The following PIK3CD variants were observed in gnomAD, a reference collection of about 807,000 sequenced individuals.
PIK3CD encodes the protein phosphatidylinositol-4,5-bisphosphate 3-kinase catalytic subunit delta, also known as phosphatidylinositol 4,5-bisphosphate 3-kinase catalytic subunit delta isoform.
Under a neutral mutation model 122.9 loss-of-function variants are expected in PIK3CD, and 20 were observed. The ratio of observed to expected loss-of-function variants is 0.16; its 90% CI spans 0.11 to 0.24. The LOEUF (loss-of-function observed/expected upper bound fraction) is 0.24, where lower values mean the gene tolerates loss of function less well. Ranked by LOEUF, PIK3CD falls within the 10% of genes least tolerant of loss-of-function variation. The pLI is 1.00. For synonymous variants in PIK3CD, 596 were observed against 593.4 expected (o/e 1.00, Z -0.06); for missense variants, 787 against 1,406.3 (o/e 0.56, Z 7.04).
At chr1:9,670,519 G>A (rs1384425463) in intron 1 of PIK3CD, among the ~76,000 whole-genome samples, 1 of 152,252 alleles carries the variant, frequency 6.6e-6, no homozygotes, top group South Asian at 2.1e-4. Flanking sequence ...TTCATATCTT[G>A]GCTTTGACAC....
In PIK3CD at chr1:9,726,344, TA is replaced by T. The variant is rs542264110; in HGVS notation, c.2998-559del. Among the ~76,000 whole-genome samples, 379 of 151,256 alleles carry T rather than the reference TA, an allele frequency of 2.5e-3. 2 individuals are homozygous for T. Among genetic ancestry groups the T allele is most frequent in the Middle Eastern group, 6.8e-3 (2 of 292 alleles). On this transcript the variant is annotated intron_variant, in intron 23 of 23. Transcript: ENST00000377346. ...TAACACGGTGAAACCCCGTCTCTAC[TA>T]AAAAATACAAAAAATTAGCCAGGTG...
At chr1:9,655,351 G>A (rs57834427) in intron 1 of PIK3CD, among the ~76,000 whole-genome samples, 47,166 of 151,930 alleles carry the variant, frequency 0.31, 8,779 homozygotes, top group East Asian at 0.68. Context: ...CTAAGACTGA[G>A]TTGTCTTTAG....
chr1:9,726,784 C>G (rs747754784), intron 23 of PIK3CD, 125 bp from the exon 24 acceptor site: 9 of 1,237,522 alleles, frequency 7.3e-6, no homozygotes, highest in Middle Eastern at 2.0e-4. Context: ...GAGAGCTTTT[C>G]CTGAGATGCT....
Position 9,726,979 on chromosome 1 carries a change from T to G in PIK3CD, c.3068T>G (p.Leu1023Arg). 1 of 1,613,952 alleles carries G rather than the reference T, an allele frequency of 6.2e-7. No individual in the cohort carries two copies. Among genetic ancestry groups the G allele is most frequent in the Non-Finnish European group, 8.5e-7 (1 of 1,179,972 alleles). Residue 1023 changes from leucine (L) to arginine (R), a missense_variant, in exon 24 of 24, where the codon CTC becomes CGC. Leu to Arg is a moderately radical substitution (Grantham distance 102). This residue lies in a region of PIK3CD where 60 missense variants were observed against 129.5 expected (regional missense o/e 0.46). Transcript: ENST00000377346. ...TTCCGAGTGAAGTTTAACGAAGCCC[T>G]CCGTGAGAGCTGGAAAACCAAAGTG... Reference protein sequence around the residue: ...KHFRVKFNEALRESWKTKVNW... With the variant: ...KHFRVKFNEARRESWKTKVNW...
upstream of PIK3CD, among the ~76,000 whole-genome samples, chr1:9,649,120 C>CAAAA (rs369321213): frequency 3.2e-3 from 484 of 151,422 alleles, 4 homozygotes; most frequent in East Asian, 0.02. Context: ...AACAAACAAA[C>CAAAA]AAAAAAAGCA....
chr1:9,642,267 C>A, the PIK3CD span, among the ~76,000 whole-genome samples: 1 of 151,898 alleles, frequency 6.6e-6, no homozygotes, highest in Admixed American at 6.6e-5. Flanking sequence ...CATGCACCAC[C>A]ATGCCCAGCT....
chr1:9,714,753 C>T (rs1159739103), intron 3 of PIK3CD, among the ~76,000 whole-genome samples: 1 of 152,158 alleles, frequency 6.6e-6, no homozygotes, highest in Non-Finnish European at 1.5e-5. Flanking sequence ...GTGGTGAACA[C>T]CTTTCAACTG....
chr1:9,721,370 C>G, intron 14 of PIK3CD, 74 bp from the exon 15 acceptor site: 1 of 1,608,732 alleles, frequency 6.2e-7, no homozygotes, highest in Non-Finnish European at 8.5e-7. Context: ...CCTGGCCTCC[C>G]TCTGGCTGCC....
the PIK3CD span, among the ~76,000 whole-genome samples, chr1:9,641,815 C>T: frequency 6.6e-6 from 1 of 152,210 alleles, no homozygotes; most frequent in Non-Finnish European, 1.5e-5. Context: ...CCTCTCAGCC[C>T]TCCTTGGAAC....
In PIK3CD at chr1:9,711,251, A is replaced by G. The variant is rs1647042224; in HGVS notation, c.141+655A>G. Among the ~76,000 whole-genome samples the G allele has an allele frequency of 2.0e-5, 3 of 151,114 alleles. No individual in the cohort carries two copies. The South Asian group carries it at 6.3e-4, about 32-fold the overall frequency. ...TGGGACTATAGGCGTGCACCACCAC[A>G]CCTGGCTAATTTTTGTGTTTTTTAG... On this transcript the variant is annotated intron_variant, in intron 3 of 23. Transcript: ENST00000377346.
At chr1:9,659,074 A>C (rs1006546202) in intron 1 of PIK3CD, among the ~76,000 whole-genome samples, 4 of 152,116 alleles carry the variant, frequency 2.6e-5, no homozygotes, top group African/African-American at 9.7e-5. Context: ...CCTTTCCATT[A>C]ACTTCTTTTG....
chr1:9,724,183 G>A lies in PIK3CD; in HGVS notation c.2718+91G>A. 6.2e-7 allele frequency: 1 copy of A among 1,613,300 alleles called. No homozygotes were observed. The highest frequency in any genetic ancestry group is 8.5e-7 in the Non-Finnish European group (1 of 1,179,868). On this transcript the variant is annotated intron_variant, in intron 21 of 23. Transcript: ENST00000377346. The surrounding 1 kb of genome is among the most constrained non-coding windows in gnomAD (Gnocchi z 7.3). Reference sequence around the variant, plus strand: ...CTGCCTAGCACACAGCTCTGTGGCAGGGGTCCCCCAGCCCTGCTGGCTTCC... The same window carrying A: ...CTGCCTAGCACACAGCTCTGTGGCAAGGGTCCCCCAGCCCTGCTGGCTTCC...
intron 16 of PIK3CD, 43 bp from the exon 17 acceptor site, chr1:9,721,932 A>G (rs1247842986): frequency 1.9e-6 from 3 of 1,612,808 alleles, no homozygotes; most frequent in Non-Finnish European, 2.5e-6. Flanking sequence ...GGCTGGGTCG[A>G]GGCTGGGACC....
Position 9,704,115 on chromosome 1 carries a change from G to C in PIK3CD, c.-32-6309G>C, listed in dbSNP as rs1454235111. 6.6e-6 allele frequency among the ~76,000 whole-genome samples: 1 copy of C among 152,180 alleles called. No individual in the cohort carries two copies. Among genetic ancestry groups the C allele is most frequent in the Non-Finnish European group, 1.5e-5 (1 of 68,042 alleles). ...TAGAGAGAGGTTCTTAGCCCAGAGA[G>C]ACGGAAGGCACTTCCACTTTCTCCT... On this transcript the variant is annotated intron_variant, in intron 2 of 23. Transcript: ENST00000377346. The surrounding 1 kb of genome is among the most constrained non-coding windows in gnomAD (Gnocchi z 5.0).
the PIK3CD span, among the ~76,000 whole-genome samples, chr1:9,641,126 A>G: frequency 0.08 from 12,130 of 152,168 alleles, 1,468 homozygotes; most frequent in African/African-American, 0.26. Flanking sequence ...TACTGAGTAT[A>G]AACTCCAGGG....
chr1:9,664,975 G>C (rs1411941309), intron 1 of PIK3CD, among the ~76,000 whole-genome samples: 1 of 152,000 alleles, frequency 6.6e-6, no homozygotes, highest in Non-Finnish European at 1.5e-5. Context: ...GGCCAAGATG[G>C]GAAGATTGCT....
chr1:9,703,868 T>G (rs1046823291), intron 2 of PIK3CD, among the ~76,000 whole-genome samples: 10 of 152,226 alleles, frequency 6.6e-5, no homozygotes, highest in African/African-American at 2.4e-4. Flanking sequence ...TGCATTTCTC[T>G]GGGGTGTGTA....
chr1:9,720,575 G>C lies in PIK3CD; in HGVS notation c.1471-36G>C, dbSNP rs776601332. On this transcript the variant is annotated intron_variant, in intron 11 of 23. Transcript: ENST00000377346. The surrounding 1 kb of genome is among the most constrained non-coding windows in gnomAD (Gnocchi z 9.0). Reference sequence around the variant, plus strand: ...GGGGGTCCTGCCCGGGCTGGTCCAGGCCCCTGGGGACGCTGAGTGCAGCCG... The same window carrying C: ...GGGGGTCCTGCCCGGGCTGGTCCAGCCCCCTGGGGACGCTGAGTGCAGCCG... The C allele has an allele frequency of 1.1e-5, 17 of 1,546,338 alleles. 1 individual carries two copies. In the South Asian group the frequency reaches 1.9e-4, roughly 17 times the overall value.
At chr1:9,664,080 C>T (rs1645091342) in intron 1 of PIK3CD, among the ~76,000 whole-genome samples, 1 of 128,982 alleles carries the variant, frequency 7.8e-6, no homozygotes, top group Non-Finnish European at 1.6e-5. Context: ...GACGGAGTCT[C>T]ACTCTGTCGC....
Sources: allele counts gnomAD v4.1 joint callset (sites outside exome capture counted in the v4.1 genomes callset), GRCh38; gene constraint gnomAD v4.1.1; regional missense constraint gnomAD v4.1.1; non-coding constraint Gnocchi (gnomAD v3.1); transcripts MANE v1.5; gene names NCBI Gene and HGNC (gene_info 2026-07-23, HGNC 2026-07-21).